The following THSD4 variants were observed in gnomAD, a reference collection of about 807,000 sequenced individuals.
The protein encoded by THSD4 is thrombospondin type 1 domain containing 4, also known as thrombospondin type-1 domain-containing protein 4.
In THSD4, 69 loss-of-function variants were observed where a neutral mutation model predicts 119.0. That is an observed-to-expected ratio of 0.58 (90% confidence interval 0.48 to 0.71). The LOEUF (loss-of-function observed/expected upper bound fraction) is 0.71. THSD4 is among the 30% of genes least tolerant of loss of function. The pLI, the probability that THSD4 is intolerant of heterozygous loss-of-function variation, is 0.00. For synonymous variants in THSD4, 524 were observed against 540.4 expected (o/e 0.97, Z 0.42); for missense variants, 1,393 against 1,391.1 (o/e 1.00, Z -0.02).
chr15:71,413,827 C>T (rs1019615698), intron 7 of THSD4, among the ~76,000 whole-genome samples: 1 of 152,226 alleles, frequency 6.6e-6, no homozygotes, highest in Admixed American at 6.5e-5. Context: ...TTCACACATC[C>T]TCTCTGAGCT....
intron 6 of THSD4, among the ~76,000 whole-genome samples, chr15:71,351,482 A>G (rs1021051631): frequency 1.3e-5 from 2 of 152,190 alleles, no homozygotes; most frequent in East Asian, 1.9e-4. Flanking sequence ...CTCTCAAATT[A>G]TGGATTTCAT....
At chr15:71,602,993 C>A (rs1443612249) in intron 7 of THSD4, among the ~76,000 whole-genome samples, 1 of 152,218 alleles carries the variant, frequency 6.6e-6, no homozygotes, top group East Asian at 1.9e-4. Context: ...CCAGGGCTTT[C>A]TGGCTCTAAA....
chr15:71,387,084 G>C (rs2046303462), intron 6 of THSD4, among the ~76,000 whole-genome samples: 2 of 152,018 alleles, frequency 1.3e-5, no homozygotes, highest in Non-Finnish European at 1.5e-5. Flanking sequence ...GGGTCAAGTT[G>C]TTTTCAGTTT....
Position 71,546,451 on chromosome 15 carries a change from C to A in THSD4, c.1153-114079C>A, listed in dbSNP as rs148861359. 1.4e-3 allele frequency among the ~76,000 whole-genome samples: 218 copies of A among 152,324 alleles called. 2 individuals carry two copies. Among genetic ancestry groups the A allele is most frequent in the Admixed American group, 6.3e-3 (96 of 15,308 alleles). On this transcript the variant is annotated intron_variant, in intron 7 of 17. Coordinates refer to ENST00000261862, the MANE Select transcript of THSD4 (RefSeq NM_024817.3). ...GGCTTTAGGAAGACCCTTTTCCCAG[C>A]CTGCTCCCCATGCTCCCAAGCCCCA...
rs987382997 is a variant in THSD4, at chr15:71,264,537, G to C, written c.1015+7822G>C. Among the ~76,000 whole-genome samples the C allele has an allele frequency of 1.3e-5, 2 of 152,238 alleles. 1 individual carries two copies. The highest frequency in any genetic ancestry group is 1.3e-4 in the Admixed American group (2 of 15,284). On this transcript the variant is annotated intron_variant, in intron 6 of 17. Transcript: ENST00000261862. ...TTTTGGTTTTGTATATGTTGAGTCT[G>C]AATGAATGGTGGGACCCAACAGGAG...
intron 7 of THSD4, 97 bp downstream of exon 7, chr15:71,411,920 C>A (rs763591289): frequency 2.6e-6 from 4 of 1,522,058 alleles, no homozygotes; most frequent in South Asian, 1.2e-5. Context: ...CTAGCTCCCC[C>A]CAGCCCACGT....
intron 3 of THSD4, among the ~76,000 whole-genome samples, chr15:71,210,959 CTT>C (rs1247743848): frequency 6.6e-6 from 1 of 151,808 alleles, no homozygotes; most frequent in African/African-American, 2.4e-5. Flanking sequence ...ATATATATAA[CTT>C]TATATAGTAT....
chr15:71,601,236 C>G (rs2050004699), intron 7 of THSD4, among the ~76,000 whole-genome samples: 1 of 152,216 alleles, frequency 6.6e-6, no homozygotes, highest in Non-Finnish European at 1.5e-5. Flanking sequence ...TTAACACTTC[C>G]TGCTGTGTGT....
At chr15:71,610,316 C>T (rs28627399) in intron 7 of THSD4, among the ~76,000 whole-genome samples, 45,706 of 152,084 alleles carry the variant, frequency 0.3, 8,464 homozygotes, top group East Asian at 0.71. Context: ...TCATCTCTCC[C>T]CTTGGTTTTT....
intron 3 of THSD4, among the ~76,000 whole-genome samples, chr15:71,200,117 G>A (rs908383989): frequency 2.6e-5 from 4 of 152,100 alleles, no homozygotes; most frequent in African/African-American, 4.8e-5. Context: ...ATTTTCCAGC[G>A]CTCCCTGCAC....
intron 7 of THSD4, among the ~76,000 whole-genome samples, chr15:71,489,860 C>T (rs1400556557): frequency 6.6e-6 from 1 of 151,970 alleles, no homozygotes; most frequent in Non-Finnish European, 1.5e-5. Flanking sequence ...AAAACACATA[C>T]CCATTATAGA....
intron 15 of THSD4, among the ~76,000 whole-genome samples, chr15:71,761,403 G>T (rs539631007): frequency 1.3e-5 from 2 of 152,170 alleles, no homozygotes; most frequent in Non-Finnish European, 2.9e-5. Flanking sequence ...AAAAGATGTT[G>T]ATATTATCTG....
chr15:71,148,351 A>G (rs1162570757), intron 2 of THSD4, among the ~76,000 whole-genome samples: 2 of 152,228 alleles, frequency 1.3e-5, no homozygotes, highest in Non-Finnish European at 2.9e-5. Context: ...AGAAAGCCCT[A>G]GGTGTCTGGA....
At chr15:71,725,870 C>T (rs1170618207) in intron 8 of THSD4, among the ~76,000 whole-genome samples, 1 of 152,068 alleles carries the variant, frequency 6.6e-6, no homozygotes, top group Non-Finnish European at 1.5e-5. Context: ...CAACCTCCAT[C>T]TCCCAGGTTC....
rs187595782 is a variant in THSD4 at position 71,495,581 on chromosome 15, A to G, written c.1152+83758A>G. 8.3e-4 allele frequency among the ~76,000 whole-genome samples: 126 copies of G among 152,296 alleles called. 1 individual carries two copies. The highest frequency in any genetic ancestry group is 3.4e-3 in the Middle Eastern group (1 of 294). ...TGCTCGGGACATCCAATACCAGACA[A>G]GTCAAATAGGACCTGCTCAAATTCT... On this transcript the variant is annotated intron_variant, in intron 7 of 17. Transcript: ENST00000261862.
intron 8 of THSD4, among the ~76,000 whole-genome samples, chr15:71,720,990 A>T (rs2052710912): frequency 6.6e-6 from 1 of 152,230 alleles, no homozygotes; most frequent in Non-Finnish European, 1.5e-5. Context: ...GATCATAGTC[A>T]TGTGTCTCCT....
chr15:71,644,225 T>C (rs1296470905), intron 7 of THSD4, among the ~76,000 whole-genome samples: 3 of 152,198 alleles, frequency 2.0e-5, no homozygotes, highest in East Asian at 3.9e-4. Context: ...TAAGAGTCTA[T>C]GATTCTAGCA....
chr15:71,438,802 G>A lies in THSD4; in HGVS notation c.1152+26979G>A, dbSNP rs373040051. Among the ~76,000 whole-genome samples, 7 of 152,290 alleles carry A rather than the reference G, an allele frequency of 4.6e-5. No individual in the cohort carries two copies. In the East Asian group the frequency reaches 7.7e-4, roughly 17 times the overall value. On this transcript the variant is annotated intron_variant, in intron 7 of 17. Coordinates refer to ENST00000261862, the MANE Select transcript of THSD4 (RefSeq NM_024817.3). The stretch of plus-strand genomic sequence containing the variant: ...GATGAAAGGTAAGTTTGCTTTGCTC[G>A]GGGCTAATGCATTTATGGACTTCAA...
At chr15:71,494,194 T>C (rs1209436797) in intron 7 of THSD4, among the ~76,000 whole-genome samples, 1 of 152,246 alleles carries the variant, frequency 6.6e-6, no homozygotes. Context: ...TTTTTCCATT[T>C]GCACTTATTG....
Sources: gnomAD v4.1 joint callset for allele counts (sites outside exome capture counted in the v4.1 genomes callset) on GRCh38, gnomAD v4.1.1 for gene constraint, MANE v1.5 for transcripts, NCBI Gene and HGNC (gene_info 2026-07-23, HGNC 2026-07-21) for gene names.